ATP10A: variants seen among roughly 807,000 people sequenced by gnomAD.
The protein encoded by ATP10A is ATPase phospholipid transporting 10A (putative), also known as phospholipid-transporting ATPase VA.
ATP10A carries 111 observed loss-of-function variants against 147.8 expected under a neutral mutation model. The observed-to-expected ratio is 0.75, with a 90% CI of 0.64 to 0.88. The LOEUF (loss-of-function observed/expected upper bound fraction) is 0.88. Among genes scored for constraint, ATP10A ranks in the 40% least tolerant of loss-of-function variants. ATP10A has a pLI of 0.00. For synonymous variants in ATP10A, 875 were observed against 841.6 expected (o/e 1.04, Z -0.69); for missense variants, 1,927 against 1,959.0 (o/e 0.98, Z 0.31).
intron 10 of ATP10A, among the ~76,000 whole-genome samples, chr15:25,712,887 T>C (rs1901528378): frequency 6.6e-6 from 1 of 152,194 alleles, no homozygotes; most frequent in Non-Finnish European, 1.5e-5. Context: ...GGTCCTGGGC[T>C]TCTGTGCCAG....
Position 25,824,998 on chromosome 15 carries a change from T to C in ATP10A, c.449+37650A>G, listed in dbSNP as rs114871550. Among the ~76,000 whole-genome samples, 365 of 152,162 alleles carry C rather than the reference T, an allele frequency of 2.4e-3. 3 individuals are homozygous for C. Among genetic ancestry groups the C allele is most frequent in the African/African-American group, 8.0e-3 (333 of 41,514 alleles). ...CACCACTGCACTCCAGCCCAGGTGA[T>C]AGAACGACACCTTCACTCTGGGAAA... On this transcript the variant is annotated intron_variant, in intron 1 of 20. Coordinates refer to ENST00000555815, the MANE Select transcript of ATP10A (RefSeq NM_024490.4).
chr15:25,858,167 C>G (rs932547712), intron 1 of ATP10A, among the ~76,000 whole-genome samples: 1 of 152,172 alleles, frequency 6.6e-6, no homozygotes, highest in African/African-American at 2.4e-5. Context: ...GCGTCCAGTG[C>G]CCTAACCTAC....
chr15:25,717,127 A>C (rs1266608525), intron 8 of ATP10A, among the ~76,000 whole-genome samples: 1 of 152,234 alleles, frequency 6.6e-6, no homozygotes, highest in African/African-American at 2.4e-5. Flanking sequence ...ACTTTGTGAA[A>C]ACCATGCTTC....
chr15:25,705,970 C>T (rs1172951380), intron 12 of ATP10A, among the ~76,000 whole-genome samples: 2 of 152,170 alleles, frequency 1.3e-5, no homozygotes, highest in African/African-American at 4.8e-5. Context: ...GGGAAGGAAT[C>T]CACCTGAGGA....
intron 13 of ATP10A, among the ~76,000 whole-genome samples, chr15:25,700,276 T>C (rs1392190751): frequency 6.6e-6 from 1 of 152,184 alleles, no homozygotes; most frequent in Non-Finnish European, 1.5e-5. Context: ...ATACAGCACT[T>C]TGAAAAGCAG....
At chr15:25,740,889 G>A (rs1047171153) in intron 2 of ATP10A, among the ~76,000 whole-genome samples, 1 of 152,178 alleles carries the variant, frequency 6.6e-6, no homozygotes, top group Admixed American at 6.5e-5. Context: ...TGACCTCCTC[G>A]GCTACCATCC....
In ATP10A at chr15:25,710,679, G is replaced by C. The variant is rs1040278209; in HGVS notation, c.2345-2379C>G. On this transcript the variant is annotated intron_variant, in intron 10 of 20. Transcript: ENST00000555815. ...AATGGCAAACTAACGTGCAGTCCCT[G>C]CTTGTACATGCATGTACTCATCATG... The C allele has an allele frequency of 2.6e-5, 4 of 152,178 alleles. No individual in the cohort carries two copies. In the South Asian group the frequency reaches 6.2e-4, roughly 24 times the overall value. 9.4% of individuals were successfully genotyped at this position (152,178 alleles called of 1,614,324 possible).
At chr15:25,703,959 A>G (rs757679227) in intron 12 of ATP10A, among the ~76,000 whole-genome samples, 97 of 152,252 alleles carry the variant, frequency 6.4e-4, no homozygotes, top group Non-Finnish European at 8.4e-4. Flanking sequence ...TGGGAAGACC[A>G]CACAGCGTGT....
chr15:25,848,202 A>G (rs1444758367), intron 1 of ATP10A, among the ~76,000 whole-genome samples: 1 of 152,166 alleles, frequency 6.6e-6, no homozygotes, highest in Non-Finnish European at 1.5e-5. Flanking sequence ...TGTTTGTTAA[A>G]CTCTGCAATG....
At chr15:25,844,572 T>C (rs994948118) in intron 1 of ATP10A, among the ~76,000 whole-genome samples, 1 of 152,206 alleles carries the variant, frequency 6.6e-6, no homozygotes, top group Admixed American at 6.5e-5. Context: ...GCTTTTAAAA[T>C]GTAGGGAGAA....
rs569617773 is a variant in ATP10A, at chr15:25,768,809, G to A, written c.654+12210C>T. On this transcript the variant is annotated intron_variant, in intron 2 of 20. Transcript: ENST00000555815. ...CTCCCAAAGTGCTGGGATTCCAGGTGTAAACCACCATGCCTGGTAGAGCCC... is the reference window on the plus strand; with the variant it reads ...CTCCCAAAGTGCTGGGATTCCAGGTATAAACCACCATGCCTGGTAGAGCCC... Among the ~76,000 whole-genome samples the A allele has an allele frequency of 2.4e-3, 361 of 150,014 alleles. 3 individuals are homozygous for A. The highest frequency in any genetic ancestry group is 8.5e-3 in the African/African-American group (346 of 40,832).
In ATP10A at chr15:25,713,872, C is replaced by A; in HGVS notation, c.2146G>T (p.Glu716Ter). 6.2e-7 allele frequency: 1 copy of A among 1,613,876 alleles called. No individual in the cohort carries two copies. The highest frequency in any genetic ancestry group is 8.5e-7 in the Non-Finnish European group (1 of 1,180,052). The part of the protein sequence containing the change: ...AARAYNCVLV[E>*]RLHDQVSVEL... ...ACTGACACTTGGTCGTGCAGCCGCT[C>A]CACAAGCACGCAGTTGTAGGCTCTG... The change falls in exon 10 of 21, where the codon GAG (glutamate) becomes TAG (stop). Residue 716 changes from glutamate (E) to a stop codon, truncating the protein, a stop_gained. Transcript: ENST00000555815. LOFTEE classifies it high-confidence loss of function.
At position 25,698,570 on chromosome 15, in the gene ATP10A, G is replaced by C. The variant is rs564245191; in HGVS notation, c.2760+3346C>G. Among the ~76,000 whole-genome samples the C allele has an allele frequency of 2.0e-5, 3 of 152,238 alleles. No homozygotes were observed. In the East Asian group the frequency reaches 5.8e-4, roughly 29 times the overall value. ...GGCTATGAATAGTCAAGTTTTTGGA[G>C]AGTCAAAAGTTATATGTGGATTTTT... is the stretch of plus-strand genomic sequence containing the variant. On this transcript the variant is annotated intron_variant, in intron 13 of 20. Coordinates refer to ENST00000555815, the MANE Select transcript of ATP10A (RefSeq NM_024490.4).
At chr15:25,765,787 C>T (rs1176857886) in intron 2 of ATP10A, among the ~76,000 whole-genome samples, 3 of 152,204 alleles carry the variant, frequency 2.0e-5, no homozygotes, top group Non-Finnish European at 4.4e-5. Context: ...TCTATAACTT[C>T]ACTCCTGGTG....
Position 25,718,274 on chromosome 15 carries a change from G to C in ATP10A, c.1489C>G (p.Gln497Glu). ...HQSVRVVHRTQSTKSHRRTGS... is the reference protein window; with the variant it reads ...HQSVRVVHRTESTKSHRRTGS... ...GTGCGCCGGTGGGACTTGGTGCTCT[G>C]GGTTCTGTGCACCACCCGGACACTC... The change falls in exon 8 of 21, where the codon CAG (glutamine) becomes GAG (glutamate). Residue 497 changes from glutamine to glutamate, a missense_variant. Transcript: ENST00000555815. 1 of 1,612,528 alleles carries C rather than the reference G, an allele frequency of 6.2e-7. No homozygotes were observed. Among genetic ancestry groups the C allele is most frequent in the Non-Finnish European group, 8.5e-7 (1 of 1,179,968 alleles).
intron 10 of ATP10A, chr15:25,711,003 G>C (rs1901379496): frequency 2.2e-5 from 3 of 138,710 alleles, no homozygotes. Context: ...GATTTCCTTT[G>C]TAGATGGGAA....
intron 14 of ATP10A, 51 bp downstream of exon 14, chr15:25,694,768 G>A (rs767679786): frequency 5.9e-5 from 88 of 1,495,704 alleles, no homozygotes; most frequent in Non-Finnish European, 7.9e-5. Context: ...AAGGGTAGAG[G>A]AAGTTTGGGT....
intron 2 of ATP10A, among the ~76,000 whole-genome samples, chr15:25,767,750 C>T (rs1889105364): frequency 6.6e-6 from 1 of 152,210 alleles, no homozygotes; most frequent in African/African-American, 2.4e-5. Flanking sequence ...TGCGTGCTAG[C>T]TGCCTGTGCT....
chr15:25,767,876 C>A (rs1451578690), intron 2 of ATP10A, among the ~76,000 whole-genome samples: 2 of 152,240 alleles, frequency 1.3e-5, no homozygotes, highest in Non-Finnish European at 2.9e-5. Flanking sequence ...AGTATGGGAC[C>A]CTTGCGGGCC....
Sources: gnomAD v4.1 joint callset for allele counts (sites outside exome capture counted in the v4.1 genomes callset) on GRCh38, gnomAD v4.1.1 for gene constraint, MANE v1.5 for transcripts, NCBI Gene and HGNC (gene_info 2026-07-23, HGNC 2026-07-21) for gene names.